Variants in PCDHA10 observed in about 807,000 individuals in gnomAD.
PCDHA10 encodes the protein protocadherin alpha-10.
A neutral mutation model predicts 61.2 loss-of-function variants in PCDHA10; 45 were observed. The observed-to-expected ratio is 0.74, with a 90% CI of 0.58 to 0.94. The LOEUF is 0.94. Ranked by LOEUF, PCDHA10 falls within the 40% of genes least tolerant of loss-of-function variation. The pLI, the probability that PCDHA10 is intolerant of heterozygous loss-of-function variation, is 0.00. For synonymous variants in PCDHA10, 602 were observed against 548.8 expected, an observed-to-expected ratio of 1.10 and a Z score of -1.35; for missense variants, 1,278 against 1,236.2, an observed-to-expected ratio of 1.03 and a Z score of -0.51.
intron 1 of PCDHA10, chr5:140,927,606 C>T: frequency 6.2e-7 from 1 of 1,614,202 alleles, no homozygotes; most frequent in Non-Finnish European, 8.5e-7. Context: ...GCTCCGTATA[C>T]CGCACCAAGG....
At position 140,857,571 on chromosome 5, in the gene PCDHA10, C is replaced by A. The variant is rs782707848; in HGVS notation, c.1523C>A (p.Ser508Ter). Residue 508 changes from serine (S) to a stop codon, truncating the protein, a stop_gained, in exon 1 of 4, where the codon TCG becomes TAG. Transcript: ENST00000307360. LOFTEE classifies it high-confidence loss of function. ...GAGCGCTCGCTGTCGAGCTACGTGT[C>A]GGTGCACGCGGAGAGCGGCAAGGTG... ...LGERSLSSYV[S>*]VHAESGKVYA... 12 of 1,596,630 alleles carry A rather than the reference C, an allele frequency of 7.5e-6. No homozygotes were observed. The highest frequency in any genetic ancestry group is 9.4e-6 in the Non-Finnish European group (11 of 1,167,696).
intron 1 of PCDHA10, among the ~76,000 whole-genome samples, chr5:140,934,646 T>C (rs1554210032): frequency 6.6e-6 from 1 of 152,116 alleles, no homozygotes; most frequent in African/African-American, 2.4e-5. Flanking sequence ...GCAGGATAAA[T>C]GTTTGATTCT....
intron 1 of PCDHA10, chr5:140,870,169 C>T: frequency 6.2e-7 from 1 of 1,614,140 alleles, no homozygotes; most frequent in Non-Finnish European, 8.5e-7. Flanking sequence ...TTCCTTGTCC[C>T]TCCCAGTACG....
chr5:140,952,379 G>T (rs1384901092), intron 1 of PCDHA10, among the ~76,000 whole-genome samples: 1 of 151,322 alleles, frequency 6.6e-6, no homozygotes, highest in Non-Finnish European at 1.5e-5. Flanking sequence ...TCCTCTGCCA[G>T]GTACCCTAAA....
chr5:140,990,984 A>G (rs1213067851), intron 3 of PCDHA10, among the ~76,000 whole-genome samples: 4 of 152,200 alleles, frequency 2.6e-5, no homozygotes, highest in Admixed American at 6.5e-5. Context: ...AAGGAAGACA[A>G]TAGCTACCAT....
intron 1 of PCDHA10, among the ~76,000 whole-genome samples, chr5:140,901,060 AT>A (rs542927280): frequency 1.3e-5 from 2 of 151,130 alleles, no homozygotes; most frequent in East Asian, 3.9e-4. Flanking sequence ...AGATTATTAG[AT>A]TTTTTTTTCT....
chr5:140,873,518 A>G (rs2054336624), intron 1 of PCDHA10, among the ~76,000 whole-genome samples: 1 of 152,200 alleles, frequency 6.6e-6, no homozygotes, highest in Non-Finnish European at 1.5e-5. Context: ...CTTAATGCCA[A>G]GATTGCATTC....
chr5:140,937,606 TACTC>T (rs1186588675), intron 1 of PCDHA10, among the ~76,000 whole-genome samples: 2 of 123,664 alleles, frequency 1.6e-5, no homozygotes, highest in Non-Finnish European at 3.5e-5. Context: ...AACAGAGTGA[TACTC>T]CATCTAAAAA....
chr5:140,869,928 A>T, intron 1 of PCDHA10: 1 of 1,611,724 alleles, frequency 6.2e-7, no homozygotes, highest in Non-Finnish European at 8.5e-7. Flanking sequence ...GAGTCAATGG[A>T]GAGGTAACAT....
chr5:140,994,460 T>C (rs1260062613), intron 3 of PCDHA10, among the ~76,000 whole-genome samples: 1 of 152,124 alleles, frequency 6.6e-6, no homozygotes, highest in African/African-American at 2.4e-5. Context: ...CCCAGCACTT[T>C]GGGAGGCTGA....
chr5:140,957,385 A>G (rs1166781130), intron 1 of PCDHA10, among the ~76,000 whole-genome samples: 1 of 152,192 alleles, frequency 6.6e-6, no homozygotes, highest in Non-Finnish European at 1.5e-5. Flanking sequence ...GTGTATTGTT[A>G]TAATTGTCCT....
intron 3 of PCDHA10, among the ~76,000 whole-genome samples, chr5:140,999,693 A>AT (rs202183337): frequency 0.011 from 1,632 of 151,520 alleles, 13 homozygotes; most frequent in Middle Eastern, 0.058. Flanking sequence ...AAGAAATGTG[A>AT]TTTTTTTTTA....
chr5:140,917,332 G>GA, intron 1 of PCDHA10, among the ~76,000 whole-genome samples: 1 of 145,644 alleles, frequency 6.9e-6, no homozygotes, highest in Non-Finnish European at 1.5e-5. Context: ...GGCGGGGGAG[G>GA]GGGGGGATGG....
Position 140,856,403 on chromosome 5 carries a change from G to A in PCDHA10, c.355G>A (p.Asp119Asn), listed in dbSNP as rs782447462. The change falls in exon 1 of 4, where the codon GAC (aspartate) becomes AAC (asparagine). Residue 119 changes from aspartate to asparagine, a missense_variant. Coordinates refer to ENST00000307360, the MANE Select transcript of PCDHA10 (RefSeq NM_018901.4). ...VDRPLQVFHV[D>N]VEVKDINDNP... ...CAGGCCGCTGCAGGTTTTCCATGTG[G>A]ACGTGGAAGTGAAGGACATTAACGA... 5.8e-5 allele frequency: 92 copies of A among 1,598,448 alleles called. 11 individuals are homozygous for A. The highest frequency in any genetic ancestry group is 7.7e-5 in the Non-Finnish European group (90 of 1,168,002).
intron 1 of PCDHA10, chr5:140,877,810 C>G (rs782370638): frequency 3.1e-6 from 5 of 1,610,364 alleles, no homozygotes; most frequent in Admixed American, 3.4e-5. Context: ...TCAGCTGTCT[C>G]GAGAAGATTG....
At chr5:140,926,584 C>T in intron 1 of PCDHA10, 1 of 285,400 alleles carries the variant, frequency 3.5e-6, no homozygotes, top group Non-Finnish European at 6.4e-6. Context: ...GCACCTCTCG[C>T]GCCCGGGCGG....
intron 1 of PCDHA10, chr5:140,869,090 C>T: frequency 6.3e-7 from 1 of 1,589,674 alleles, no homozygotes; most frequent in Non-Finnish European, 8.6e-7. Context: ...TTTTGGAAGC[C>T]AATTTCGTAT....
chr5:140,933,780 T>G (rs1404194841), intron 1 of PCDHA10, among the ~76,000 whole-genome samples: 2 of 152,124 alleles, frequency 1.3e-5, no homozygotes, highest in Non-Finnish European at 2.9e-5. Flanking sequence ...TACAGTTTTC[T>G]TTGTAGGAAA....
chr5:140,902,185 T>TTCTC (rs370111655), intron 1 of PCDHA10, among the ~76,000 whole-genome samples: 1 of 150,794 alleles, frequency 6.6e-6, no homozygotes, highest in African/African-American at 2.4e-5. Context: ...CCTTTATGTC[T>TTCTC]TCTCTCTCTC....
Sources: allele counts gnomAD v4.1 joint callset (sites outside exome capture counted in the v4.1 genomes callset), GRCh38; gene constraint gnomAD v4.1.1; transcripts MANE v1.5; gene names NCBI Gene and HGNC (gene_info 2026-07-23, HGNC 2026-07-21).